LAMC1: variants seen among roughly 807,000 people sequenced by gnomAD.
The protein encoded by LAMC1 is laminin subunit gamma 1.
In LAMC1, 38 loss-of-function variants were observed where a neutral mutation model predicts 173.6. The ratio of observed to expected loss-of-function variants is 0.22; its 90% CI spans 0.17 to 0.29. LAMC1 has a LOEUF of 0.29. Among genes scored for constraint, LAMC1 ranks in the 10% least tolerant of loss-of-function variants. The pLI is 1.00. For missense variants in LAMC1, 1,824 were observed against 2,051.8 expected (o/e 0.89, Z 2.14); for synonymous variants, 746 against 749.1 (o/e 1.00, Z 0.07).
At position 183,131,459 on chromosome 1, in the gene LAMC1, GTATT is replaced by G. The variant is rs138728349; in HGVS notation, c.3566+82_3566+85del. 394 of 916,110 alleles carry G rather than the reference GTATT, an allele frequency of 4.3e-4. 11 individuals are homozygous for G. The highest frequency in any genetic ancestry group is 1.4e-3 in the South Asian group (101 of 72,036). 56.7% of individuals were successfully genotyped at this position (916,110 alleles called of 1,614,324 possible). ...TGTGTGTGTGTGTGTGTGTGTGTGT[GTATT>G]GTCTTATCCCATAACCCATAAACAC... On this transcript the variant is annotated intron_variant, in intron 20 of 27. Coordinates refer to ENST00000258341, the MANE Select transcript of LAMC1 (RefSeq NM_002293.4).
At chr1:183,078,599 A>G (rs966466658) in intron 1 of LAMC1, among the ~76,000 whole-genome samples, 1 of 150,346 alleles carries the variant, frequency 6.7e-6, no homozygotes, top group South Asian at 2.1e-4. Flanking sequence ...AAAAAAATAG[A>G]TGGAGTAATT....
intron 1 of LAMC1, among the ~76,000 whole-genome samples, chr1:183,028,953 A>AT (rs1653766643): frequency 6.6e-6 from 1 of 152,244 alleles, no homozygotes; most frequent in Non-Finnish European, 1.5e-5. Flanking sequence ...TCAAAACTAA[A>AT]TTCACTCCTT....
At chr1:183,057,323 C>T (rs984478741) in intron 1 of LAMC1, among the ~76,000 whole-genome samples, 1 of 152,204 alleles carries the variant, frequency 6.6e-6, no homozygotes, top group African/African-American at 2.4e-5. Context: ...TTTATTTGGT[C>T]AGCCCTCATT....
At chr1:183,129,595 T>G (rs903421338) in intron 18 of LAMC1, among the ~76,000 whole-genome samples, 30 of 152,026 alleles carry the variant, frequency 2.0e-4, no homozygotes. Flanking sequence ...CTTAGAAAAT[T>G]TAGACCCCAA....
In LAMC1 at chr1:183,023,581, C is replaced by T. The variant is rs1016879425; in HGVS notation, c.-136C>T. On this transcript the variant is annotated 5_prime_UTR_variant, in exon 1 of 28. Coordinates refer to ENST00000258341, the MANE Select transcript of LAMC1 (RefSeq NM_002293.4). ...CGTCAGTCTCTCCGGCGCGAGCCGC[C>T]GCCACCGCCCGCGCCGGAGTCAGGC... 9 of 580,282 alleles carry T rather than the reference C, an allele frequency of 1.6e-5. No individual in the cohort carries two copies. Among genetic ancestry groups the T allele is most frequent in the Non-Finnish European group, 2.1e-5 (9 of 429,548 alleles). The allele number at this position is 580,282 out of a possible 1,614,324, so 35.9% of individuals were successfully genotyped here.
intron 4 of LAMC1, 67 bp downstream of exon 4, chr1:183,110,721 G>A (rs894277635): frequency 2.1e-5 from 31 of 1,459,644 alleles, no homozygotes; most frequent in Admixed American, 1.4e-4. Flanking sequence ...GAAGGAATGG[G>A]TGACTTTCTT....
chr1:183,034,908 G>A (rs569089610), intron 1 of LAMC1, among the ~76,000 whole-genome samples: 2 of 152,258 alleles, frequency 1.3e-5, no homozygotes, highest in East Asian at 1.9e-4. Context: ...TGTTAGCCCC[G>A]GGGAAGAATA....
chr1:183,142,106 A>G (rs1211889290), intron 27 of LAMC1, among the ~76,000 whole-genome samples: 1 of 152,192 alleles, frequency 6.6e-6, no homozygotes, highest in Non-Finnish European at 1.5e-5. Flanking sequence ...CTTCCCTGGA[A>G]TCTCTCTAAG....
intron 4 of LAMC1, among the ~76,000 whole-genome samples, chr1:183,114,285 G>C (rs1656254181): frequency 1.3e-5 from 2 of 152,112 alleles, no homozygotes; most frequent in Admixed American, 1.3e-4. Flanking sequence ...TGGCCAGGCT[G>C]GTCTCAAACT....
At chr1:183,063,195 T>A (rs771888483) in intron 1 of LAMC1, among the ~76,000 whole-genome samples, 1 of 152,190 alleles carries the variant, frequency 6.6e-6, no homozygotes, top group African/African-American at 2.4e-5. Context: ...ATAGTCAAAT[T>A]TCTTTTGTTT....
chr1:183,110,741 C>A, intron 4 of LAMC1, 87 bp downstream of exon 4: 2 of 1,370,864 alleles, frequency 1.5e-6, no homozygotes, highest in South Asian at 1.4e-5. Flanking sequence ...TTTATTCCTC[C>A]TTGAAAGGAA....
In LAMC1 at chr1:183,132,506, A is replaced by C. The variant is rs771634525; in HGVS notation, c.3673A>C (p.Thr1225Pro). 80 of 1,613,848 alleles carry C rather than the reference A, an allele frequency of 5.0e-5. No homozygotes were observed. The highest frequency in any genetic ancestry group is 5.4e-5 in the Non-Finnish European group (64 of 1,179,862). ...LLRTLAGENQTAFEIEELNRK... is the reference protein window; with the variant it reads ...LLRTLAGENQPAFEIEELNRK... The stretch of plus-strand genomic sequence containing the variant: ...GAGGACACTGGCAGGAGAAAATCAA[A>C]CAGCATTTGAGATTGAAGAGCTTAA... The change falls in exon 21 of 28, where the codon ACA becomes CCA. Residue 1225 changes from threonine to proline, a missense_variant. Thr to Pro is a conservative substitution (Grantham distance 38). Coordinates refer to ENST00000258341, the MANE Select transcript of LAMC1 (RefSeq NM_002293.4).
At chr1:183,126,510 T>G (rs1000797661) in intron 16 of LAMC1, among the ~76,000 whole-genome samples, 1 of 152,266 alleles carries the variant, frequency 6.6e-6, no homozygotes, top group Non-Finnish European at 1.5e-5. Context: ...TCCAATCTTT[T>G]ATTTTTTCCA....
chr1:183,105,447 T>C (rs3768629), intron 2 of LAMC1, among the ~76,000 whole-genome samples: 77,983 of 151,358 alleles, frequency 0.52, 20,722 homozygotes, highest in South Asian at 0.65. Flanking sequence ...GAAAATGCAG[T>C]GATACAAAGT....
intron 1 of LAMC1, among the ~76,000 whole-genome samples, chr1:183,062,986 A>G (rs2102033449): frequency 6.6e-6 from 1 of 152,324 alleles, no homozygotes; most frequent in East Asian, 1.9e-4. Flanking sequence ...TAGTATTACT[A>G]ATCATATTTA....
intron 14 of LAMC1, 140 bp downstream of exon 14, chr1:183,125,016 A>G (rs1481132948): frequency 2.2e-5 from 25 of 1,122,762 alleles, no homozygotes; most frequent in Non-Finnish European, 2.9e-5. Flanking sequence ...AAAATTTTCT[A>G]GTCACCACAT....
chr1:183,083,957 T>C (rs139709707), intron 1 of LAMC1, among the ~76,000 whole-genome samples: 11 of 152,370 alleles, frequency 7.2e-5, no homozygotes, highest in Admixed American at 7.2e-4. Context: ...TCTCAAGCCA[T>C]GCATACTGAT....
At chr1:183,066,966 TA>T (rs543105513) in intron 1 of LAMC1, among the ~76,000 whole-genome samples, 3 of 151,542 alleles carry the variant, frequency 2.0e-5, no homozygotes, top group Non-Finnish European at 2.9e-5. Context: ...AAGTATAATT[TA>T]AAAAAAAATG....
intron 21 of LAMC1, among the ~76,000 whole-genome samples, chr1:183,132,947 G>A (rs1468186554): frequency 2.0e-5 from 3 of 151,930 alleles, no homozygotes; most frequent in Non-Finnish European, 4.4e-5. Flanking sequence ...TCTCACTCTT[G>A]TCCCCCAGGC....
Sources: gnomAD v4.1 joint callset for allele counts (sites outside exome capture counted in the v4.1 genomes callset) on GRCh38, gnomAD v4.1.1 for gene constraint, MANE v1.5 for transcripts, NCBI Gene and HGNC (gene_info 2026-07-23, HGNC 2026-07-21) for gene names.